DMBT1: variants seen among roughly 807,000 people sequenced by gnomAD.
The protein encoded by DMBT1 is deleted in malignant brain tumors 1.
Under a neutral mutation model 252.9 loss-of-function variants are expected in DMBT1, and 198 were observed. That is an observed-to-expected ratio of 0.78 (90% CI 0.70 to 0.88). DMBT1 has a LOEUF of 0.88. Ranked by LOEUF, DMBT1 falls within the 40% of genes least tolerant of loss-of-function variation. DMBT1 has a pLI of 0.00. For missense variants in DMBT1, 2,432 were observed against 2,404.7 expected, an observed-to-expected ratio of 1.01 and a Z score of -0.24; for synonymous variants, 990 against 942.7, an observed-to-expected ratio of 1.05 and a Z score of -0.92.
chr10:122,600,650 C>G (rs1029343496), intron 27 of DMBT1, among the ~76,000 whole-genome samples: 2 of 152,192 alleles, frequency 1.3e-5, no homozygotes, highest in African/African-American at 4.8e-5. Flanking sequence ...CCTGGTTCCC[C>G]TAACATTTTA....
chr10:122,627,617 A>G (rs963440879), intron 46 of DMBT1, among the ~76,000 whole-genome samples: 1 of 152,236 alleles, frequency 6.6e-6, no homozygotes, highest in Non-Finnish European at 1.5e-5. Context: ...TATATACAAT[A>G]GCATATTTTA....
At position 122,586,448 on chromosome 10, in the gene DMBT1, G is replaced by A. The variant is rs1218371598; in HGVS notation, c.1783+65G>A. 2.6e-6 allele frequency: 4 copies of A among 1,562,940 alleles called. No homozygotes were observed. In the African/African-American group the frequency reaches 5.4e-5, roughly 21 times the overall value. ...ATTTTGCTCAGGAAGGTTTTATTATGTTCTAATCTCCTCACTTAGAGCTTT... is the reference window on the plus strand; with the variant it reads ...ATTTTGCTCAGGAAGGTTTTATTATATTCTAATCTCCTCACTTAGAGCTTT... On this transcript the variant is annotated intron_variant, in intron 16 of 55. Coordinates refer to ENST00000338354, the MANE Select transcript of DMBT1 (RefSeq NM_001377530.1).
At chr10:122,598,451 T>C (rs992143933) in intron 25 of DMBT1, among the ~76,000 whole-genome samples, 4 of 152,086 alleles carry the variant, frequency 2.6e-5, no homozygotes, top group African/African-American at 9.7e-5. Flanking sequence ...GCTCCTGAGA[T>C]GGGGAGAGTC....
In DMBT1 at chr10:122,643,144, G is replaced by A. The variant is rs777578701; in HGVS notation, c.7375G>A (p.Gly2459Arg). 2.5e-6 allele frequency: 4 copies of A among 1,613,890 alleles called. No individual in the cohort carries two copies. The highest frequency in any genetic ancestry group is 2.2e-5 in the East Asian group (1 of 44,870). The change falls in exon 56 of 56, where the codon GGA becomes AGA. Residue 2459 changes from glycine to arginine, a missense_variant. Coordinates refer to ENST00000338354, the MANE Select transcript of DMBT1 (RefSeq NM_001377530.1). ...CAGATGCGTGAGGGATGACACCTAC[G>A]GACCCTACTCCTCGCCATCTCTTCG... ...RSGCVRDDTY[G>R]PYSSPSLRIA... is the part of the protein sequence containing the mutation.
chr10:122,632,774 G>T (rs902687060), intron 50 of DMBT1, 87 bp from the exon 51 acceptor site: 44 of 1,550,080 alleles, frequency 2.8e-5, no homozygotes, highest in Non-Finnish European at 3.8e-5. Flanking sequence ...CTCAGGCTTG[G>T]CACAGCATCT....
chr10:122,577,781 G>C, intron 7 of DMBT1, 30 bp from the exon 8 acceptor site: 1 of 1,613,372 alleles, frequency 6.2e-7, no homozygotes, highest in Non-Finnish European at 8.5e-7. Context: ...TGAGTGTTTG[G>C]TGTCTAATGT....
chr10:122,586,503 C>T (rs2133570347), intron 16 of DMBT1, 120 bp downstream of exon 16: 3 of 1,426,916 alleles, frequency 2.1e-6, no homozygotes, highest in Non-Finnish European at 2.8e-6. Context: ...CTGATACCTC[C>T]TTAGCTCTCT....
chr10:122,632,022 C>A, intron 50 of DMBT1, 147 bp downstream of exon 50: 1 of 921,332 alleles, frequency 1.1e-6, no homozygotes, highest in Non-Finnish European at 1.7e-6. Context: ...CCCCTGCCGG[C>A]CACCAGGATA....
At chr10:122,563,316 G>A (rs995784407) in intron 1 of DMBT1, among the ~76,000 whole-genome samples, 1 of 152,188 alleles carries the variant, frequency 6.6e-6, no homozygotes, top group African/African-American at 2.4e-5. Flanking sequence ...CATAGACAGA[G>A]CCTCAGAACC....
At chr10:122,618,426 C>T in intron 41 of DMBT1, 86 bp downstream of exon 41, 2 of 1,596,570 alleles carry the variant, frequency 1.3e-6, no homozygotes, top group South Asian at 1.1e-5. Context: ...TCTCCTCACT[C>T]AAAGCTTTTT....
chr10:122,576,030 G>A (rs1219610389), intron 6 of DMBT1, among the ~76,000 whole-genome samples: 3 of 152,124 alleles, frequency 2.0e-5, no homozygotes, highest in Admixed American at 6.5e-5. Context: ...AGCTCCTCCC[G>A]GGACATCTTG....
chr10:122,626,032 T>G, intron 46 of DMBT1, 67 bp downstream of exon 46: 1 of 1,368,494 alleles, frequency 7.3e-7, no homozygotes, highest in Non-Finnish European at 1.0e-6. Context: ...TGGCTATCCA[T>G]GAGCGAATGC....
chr10:122,622,555 A>G (rs1372937461), intron 44 of DMBT1, among the ~76,000 whole-genome samples: 1 of 152,168 alleles, frequency 6.6e-6, no homozygotes, highest in Non-Finnish European at 1.5e-5. Context: ...TGTGGCTGAG[A>G]GACAGCAGTG....
Position 122,629,926 on chromosome 10 carries a change from G to A in DMBT1, c.5755G>A (p.Ala1919Thr), listed in dbSNP as rs757061553. 1 of 1,613,984 alleles carries A rather than the reference G, an allele frequency of 6.2e-7. No individual in the cohort carries two copies. The highest frequency in any genetic ancestry group is 1.1e-5 in the South Asian group (1 of 91,084). The change falls in exon 47 of 56, where the codon GCT becomes ACT. Residue 1919 changes from alanine to threonine, a missense_variant. Coordinates refer to ENST00000338354, the MANE Select transcript of DMBT1 (RefSeq NM_001377530.1). Reference protein sequence around the residue: ...PSYPAYYPNNAKCVWEIEVNS... With the variant: ...PSYPAYYPNNTKCVWEIEVNS... ...CTACCCTGCATACTACCCCAACAAT[G>A]CTAAGTGTGTTTGGGAAATAGAAGT... is the stretch of plus-strand genomic sequence containing the variant.
chr10:122,637,269 T>C lies in DMBT1; in HGVS notation c.6899T>C (p.Val2300Ala). The C allele has an allele frequency of 6.2e-7, 1 of 1,613,758 alleles. No homozygotes were observed. Among genetic ancestry groups the C allele is most frequent in the Non-Finnish European group, 8.5e-7 (1 of 1,179,768 alleles). Residue 2300 changes from valine to alanine, a missense_variant, in exon 54 of 56, where the codon GTG (valine) becomes GCG (alanine). Around this residue, in one of 3 missense-constraint regions of DMBT1, gnomAD observed 1,162 missense variants for 1,169.0 expected, o/e 0.99. Coordinates refer to ENST00000338354, the MANE Select transcript of DMBT1 (RefSeq NM_001377530.1). ...ECRPQITPNL[V>A]IFTIPYSGCG... Reference sequence around the variant, plus strand: ...CGGCCCCAGATAACGCCGAACCTGGTGATATTCACAATTCCCTACTCAGGC... The same window carrying C: ...CGGCCCCAGATAACGCCGAACCTGGCGATATTCACAATTCCCTACTCAGGC...
Position 122,599,020 on chromosome 10 carries a change from A to G in DMBT1, c.3203A>G (p.Tyr1068Cys). Reference protein sequence around the residue: ...DDVRCSGHESYLWSCPHNGWL... With the variant: ...DDVRCSGHESCLWSCPHNGWL... Reference sequence around the variant, plus strand: ...GTGCGCTGCTCAGGACACGAGTCTTACCTGTGGAGCTGCCCCCACAATGGC... The same window carrying G: ...GTGCGCTGCTCAGGACACGAGTCTTGCCTGTGGAGCTGCCCCCACAATGGC... The change falls in exon 26 of 56, where the codon TAC becomes TGC. Residue 1068 changes from tyrosine (Y) to cysteine (C), a missense_variant. Transcript: ENST00000338354. 6.2e-7 allele frequency: 1 copy of G among 1,613,734 alleles called. No homozygotes were observed. Among genetic ancestry groups the G allele is most frequent in the East Asian group, 2.2e-5 (1 of 44,862 alleles).
intron 2 of DMBT1, among the ~76,000 whole-genome samples, chr10:122,566,207 TC>T (rs1157861371): frequency 3.3e-5 from 5 of 152,238 alleles, no homozygotes. Flanking sequence ...TCATTCTCCT[TC>T]CTCTTGCTCT....
In DMBT1 at chr10:122,570,874, T is replaced by C; in HGVS notation, c.140-16T>C. On this transcript the variant is annotated splice_polypyrimidine_tract_variant and intron_variant, in intron 3 of 55. Coordinates refer to ENST00000338354, the MANE Select transcript of DMBT1 (RefSeq NM_001377530.1). ...AGGGCTACCATCAATGAGCTCTTCCTTTCTCCACCCTGCAGGTTCTCCATT... is the reference window on the plus strand; with the variant it reads ...AGGGCTACCATCAATGAGCTCTTCCCTTCTCCACCCTGCAGGTTCTCCATT... 9 of 1,612,848 alleles carry C rather than the reference T, an allele frequency of 5.6e-6. No individual in the cohort carries two copies. Among genetic ancestry groups the C allele is most frequent in the Non-Finnish European group, 7.6e-6 (9 of 1,178,852 alleles).
intron 47 of DMBT1, 50 bp downstream of exon 47, chr10:122,630,043 C>G (rs758879726): frequency 6.2e-7 from 1 of 1,607,252 alleles, no homozygotes; most frequent in Non-Finnish European, 8.5e-7. Context: ...CTGCAGCACA[C>G]CCACTGGTTT....
Sources: allele counts gnomAD v4.1 joint callset (sites outside exome capture counted in the v4.1 genomes callset), GRCh38; gene constraint gnomAD v4.1.1; regional missense constraint gnomAD v4.1.1; transcripts MANE v1.5; gene names NCBI Gene and HGNC (gene_info 2026-07-23, HGNC 2026-07-21).